The following LPGAT1 variants were observed in gnomAD, a reference collection of about 807,000 sequenced individuals.
The protein encoded by LPGAT1 is lysophosphatidylglycerol acyltransferase 1.
A neutral mutation model predicts 47.5 loss-of-function variants in LPGAT1; 11 were observed. The observed-to-expected ratio is 0.23, with a 90% confidence interval of 0.15 to 0.38. The LOEUF is 0.38. Ranked by LOEUF, LPGAT1 falls within the 10% of genes least tolerant of loss-of-function variation. The probability of loss-of-function intolerance (pLI) is 1.00; values close to 1 mark genes in which losing one functional copy is unlikely to be tolerated. For synonymous variants in LPGAT1, 138 were observed against 144.2 expected, an observed-to-expected ratio of 0.96 and a Z score of 0.31; for missense variants, 293 against 439.0, an observed-to-expected ratio of 0.67 and a Z score of 2.97.
chr1:211,751,228 A>C (rs1657165162), intron 6 of LPGAT1, among the ~76,000 whole-genome samples, 161 bp from the exon 7 acceptor site: 1 of 152,236 alleles, frequency 6.6e-6, no homozygotes, highest in Admixed American at 6.5e-5. Context: ...GGTTATTAAA[A>C]ATTGTTGATT....
intron 6 of LPGAT1, among the ~76,000 whole-genome samples, chr1:211,774,008 G>A (rs1045568315): frequency 2.0e-5 from 3 of 151,876 alleles, no homozygotes; most frequent in Non-Finnish European, 4.4e-5. Context: ...AGTAATAAAT[G>A]GCTGAGATAC....
rs576060217 is a variant in LPGAT1 at position 211,804,131 on chromosome 1, G to A, written c.239-10941C>T. 1.5e-4 allele frequency among the ~76,000 whole-genome samples: 23 copies of A among 152,222 alleles called. 1 individual carries two copies. In the South Asian group the frequency reaches 4.6e-3, roughly 30 times the overall value. ...TCTGCTACCCAGTTTGGAGTGCAGT[G>A]GCACAATCAAAGCTCACTGTAGCCT... is the stretch of plus-strand genomic sequence containing the variant. On this transcript the variant is annotated intron_variant, in intron 2 of 7. Coordinates refer to ENST00000366997, the MANE Select transcript of LPGAT1 (RefSeq NM_014873.3).
intron 2 of LPGAT1, among the ~76,000 whole-genome samples, chr1:211,797,133 G>A (rs1479635081): frequency 1.3e-5 from 2 of 152,006 alleles, no homozygotes; most frequent in African/African-American, 4.8e-5. Flanking sequence ...GCATATGTCC[G>A]CAATCCCAGC....
Position 211,815,993 on chromosome 1 carries a change from G to C in LPGAT1, c.238+13066C>G, listed in dbSNP as rs965650992. 4.6e-5 allele frequency among the ~76,000 whole-genome samples: 7 copies of C among 151,798 alleles called. No homozygotes were observed. The East Asian group carries it at 1.4e-3, about 29-fold the overall frequency. On this transcript the variant is annotated intron_variant, in intron 2 of 7. Transcript: ENST00000366997. The stretch of plus-strand genomic sequence containing the variant: ...AGACGGGGTTTCACCGTGTTAGCCA[G>C]GATAGTCGCAATCTCTTGACATTGT...
chr1:211,760,443 A>T (rs913069391), intron 6 of LPGAT1, among the ~76,000 whole-genome samples: 2 of 152,244 alleles, frequency 1.3e-5, no homozygotes, highest in African/African-American at 4.8e-5. Flanking sequence ...CAACAATAGC[A>T]AAACTCCGTC....
At chr1:211,760,680 C>A (rs1245369356) in intron 6 of LPGAT1, among the ~76,000 whole-genome samples, 1 of 152,156 alleles carries the variant, frequency 6.6e-6, no homozygotes, top group East Asian at 1.9e-4. Context: ...TATTTTCTCA[C>A]CTCTTAAAAT....
At chr1:211,818,490 A>G (rs1460485527) in intron 2 of LPGAT1, among the ~76,000 whole-genome samples, 1 of 152,194 alleles carries the variant, frequency 6.6e-6, no homozygotes, top group East Asian at 1.9e-4. Flanking sequence ...CCTAATTTGA[A>G]ATGTTGACAA....
At chr1:211,780,980 A>C (rs892863209) in intron 5 of LPGAT1, among the ~76,000 whole-genome samples, 3 of 152,216 alleles carry the variant, frequency 2.0e-5, no homozygotes, top group Admixed American at 1.3e-4. Flanking sequence ...CAAAAATACT[A>C]ATCCTTTTAA....
intron 6 of LPGAT1, among the ~76,000 whole-genome samples, chr1:211,777,606 G>A (rs1008415365): frequency 6.6e-6 from 1 of 152,108 alleles, no homozygotes; most frequent in Non-Finnish European, 1.5e-5. Context: ...TCTTGCTACT[G>A]TTGTTTATGC....
At chr1:211,828,936 CTTTTTA>C (rs1660628689) in intron 2 of LPGAT1, 117 bp downstream of exon 2, 2 of 917,594 alleles carry the variant, frequency 2.2e-6, no homozygotes, top group African/African-American at 3.4e-5. Context: ...GAACTGTTTT[CTTTTTA>C]TTTTTTTCAA....
At chr1:211,775,995 T>C (rs1658383420) in intron 6 of LPGAT1, among the ~76,000 whole-genome samples, 1 of 151,482 alleles carries the variant, frequency 6.6e-6, no homozygotes, top group Admixed American at 6.6e-5. Context: ...TTTGATTTGA[T>C]CCATAATAAC....
chr1:211,780,498 A>C (rs1291090177), intron 5 of LPGAT1, among the ~76,000 whole-genome samples: 2 of 152,132 alleles, frequency 1.3e-5, no homozygotes, highest in African/African-American at 4.8e-5. Flanking sequence ...AAAAAAGAGA[A>C]CTAATTTTCA....
chr1:211,791,405 T>C (rs980048210), intron 3 of LPGAT1, among the ~76,000 whole-genome samples: 5 of 152,142 alleles, frequency 3.3e-5, no homozygotes, highest in African/African-American at 1.2e-4. Flanking sequence ...AAGTTTTCTA[T>C]GTCCATGAGG....
Position 211,746,689 on chromosome 1 carries a change from T to C in LPGAT1, c.*3210A>G, listed in dbSNP as rs556883933. ...GACCAATAAGATAGATCTGAACTCA[T>C]AGCTATCTTCTTTTTTAATATACTT... is the stretch of plus-strand genomic sequence containing the variant. On this transcript the variant is annotated 3_prime_UTR_variant, in exon 8 of 8. Transcript: ENST00000366997. 3.3e-5 allele frequency: 5 copies of C among 152,346 alleles called. No homozygotes were observed. The South Asian group carries it at 6.2e-4, about 19-fold the overall frequency. 9.4% of individuals were successfully genotyped at this position (152,346 alleles called of 1,614,324 possible).
At chr1:211,753,679 T>C (rs1263097823) in intron 6 of LPGAT1, among the ~76,000 whole-genome samples, 1 of 152,224 alleles carries the variant, frequency 6.6e-6, no homozygotes, top group Non-Finnish European at 1.5e-5. Context: ...CCATGTACTA[T>C]TAGGAATTCT....
chr1:211,779,034 T>G lies in LPGAT1; in HGVS notation c.738A>C (p.Ser246=), dbSNP rs1658526407. The change falls in exon 6 of 8, where the codon TCA becomes TCC. Residue 246 remains serine (S), a synonymous_variant. Transcript: ENST00000366997. ...GGDAKELDSK[S]KGLQWIIDTT... ...TATCTATTATCCACTGGAGGCCTTT[T>G]GATTTGCTGTCTGAGAACAAAGAAA... 6.3e-7 allele frequency: 1 copy of G among 1,578,336 alleles called. No homozygotes were observed. The highest frequency in any genetic ancestry group is 1.4e-5 in the African/African-American group (1 of 72,670).
chr1:211,759,494 A>G (rs1421773228), intron 6 of LPGAT1, among the ~76,000 whole-genome samples: 1 of 152,090 alleles, frequency 6.6e-6, no homozygotes, highest in African/African-American at 2.4e-5. Context: ...TGGTATTGCT[A>G]TTTCTACCAT....
At chr1:211,779,103 A>G in intron 5 of LPGAT1, 59 bp from the exon 6 acceptor site, 2 of 1,380,096 alleles carry the variant, frequency 1.4e-6, no homozygotes, top group South Asian at 2.9e-5. Flanking sequence ...TCTGCAGCAA[A>G]TAACATAGAT....
chr1:211,767,136 GTTTTTTTC>G (rs912878397), intron 6 of LPGAT1, among the ~76,000 whole-genome samples: 3 of 151,958 alleles, frequency 2.0e-5, no homozygotes, highest in African/African-American at 7.2e-5. Flanking sequence ...AAACTGAAAA[GTTTTTTTC>G]TTTTTTTCTT....
Sources: allele counts gnomAD v4.1 joint callset (sites outside exome capture counted in the v4.1 genomes callset), GRCh38; gene constraint gnomAD v4.1.1; transcripts MANE v1.5; gene names NCBI Gene and HGNC (gene_info 2026-07-23, HGNC 2026-07-21).